Variants in GAS7 observed in about 807,000 individuals in gnomAD.
GAS7 encodes the protein growth arrest specific 7.
Under a neutral mutation model 71.1 loss-of-function variants are expected in GAS7, and 28 were observed. The ratio of observed to expected loss-of-function variants is 0.39; its 90% CI spans 0.29 to 0.54. GAS7 has a LOEUF of 0.54. Among genes scored for constraint, GAS7 ranks in the 20% least tolerant of loss-of-function variants. GAS7 has a pLI of 0.62. For missense variants in GAS7, 436 were observed against 627.8 expected (o/e 0.69, Z 3.27); for synonymous variants, 258 against 245.8 (o/e 1.05, Z -0.46).
intron 1 of GAS7, among the ~76,000 whole-genome samples, chr17:10,109,591 G>C (rs535413149): frequency 7.6e-4 from 116 of 152,260 alleles, no homozygotes; most frequent in African/African-American, 2.5e-3. Flanking sequence ...TCCCACTGCT[G>C]GGTATTTATC....
chr17:10,132,506 C>T (rs1280987567), intron 1 of GAS7, among the ~76,000 whole-genome samples: 1 of 152,174 alleles, frequency 6.6e-6, no homozygotes, highest in Non-Finnish European at 1.5e-5. Context: ...TGGCTCATGC[C>T]CATAATCCCA....
chr17:10,132,028 C>T (rs2074001264), intron 1 of GAS7, among the ~76,000 whole-genome samples: 1 of 151,472 alleles, frequency 6.6e-6, no homozygotes, highest in African/African-American at 2.4e-5. Context: ...TACTCATGAA[C>T]ATATGAATAC....
intron 2 of GAS7, among the ~76,000 whole-genome samples, chr17:10,011,538 A>G (rs1435136103): frequency 6.6e-6 from 1 of 152,232 alleles, no homozygotes; most frequent in South Asian, 2.1e-4. Flanking sequence ...GTCAAACACC[A>G]GCCAGCATCA....
At chr17:10,011,805 C>T (rs2071783303) in intron 2 of GAS7, among the ~76,000 whole-genome samples, 1 of 151,968 alleles carries the variant, frequency 6.6e-6, no homozygotes, top group Non-Finnish European at 1.5e-5. Context: ...GGAGAAACCC[C>T]GTCTCTACTA....
Position 10,067,157 on chromosome 17 carries a change from C to T in GAS7, c.184-47260G>A, listed in dbSNP as rs8072698. Among the ~76,000 whole-genome samples the T allele has an allele frequency of 3.3e-5, 5 of 151,838 alleles. No individual in the cohort carries two copies. In the East Asian group the frequency reaches 7.8e-4, roughly 24 times the overall value. Reference sequence around the variant, plus strand: ...GAAATATGGGGGAGGGATGGGGTGGCGGGAGTGGAGTTTCCAGCCCACCAC... The same window carrying T: ...GAAATATGGGGGAGGGATGGGGTGGTGGGAGTGGAGTTTCCAGCCCACCAC... On this transcript the variant is annotated intron_variant, in intron 1 of 13. Coordinates refer to ENST00000432992, the MANE Select transcript of GAS7 (RefSeq NM_201433.2).
At chr17:9,927,967 TCA>T (rs2068070951) in intron 9 of GAS7, among the ~76,000 whole-genome samples, 1 of 152,176 alleles carries the variant, frequency 6.6e-6, no homozygotes, top group Non-Finnish European at 1.5e-5. Flanking sequence ...GTTTATGCTG[TCA>T]GAAGAGCTGG....
Position 9,926,817 on chromosome 17 carries a change from T to C in GAS7, c.886-48A>G. Reference sequence around the variant, plus strand: ...CACTCAGGACCCAGGGCATCAGCTGTAAGCCAGTGCAGGGAGGAGGGATGG... The same window carrying C: ...CACTCAGGACCCAGGGCATCAGCTGCAAGCCAGTGCAGGGAGGAGGGATGG... On this transcript the variant is annotated intron_variant, in intron 9 of 13. Coordinates refer to ENST00000432992, the MANE Select transcript of GAS7 (RefSeq NM_201433.2). The surrounding 1 kb of genome is among the most constrained non-coding windows in gnomAD (Gnocchi z 5.0). 6.2e-7 allele frequency: 1 copy of C among 1,609,050 alleles called. No individual in the cohort carries two copies. Among genetic ancestry groups the C allele is most frequent in the South Asian group, 1.1e-5 (1 of 90,990 alleles).
chr17:9,954,600 T>C lies in GAS7; in HGVS notation c.525+4602A>G, dbSNP rs2069153477. Among the ~76,000 whole-genome samples the C allele has an allele frequency of 2.0e-5, 3 of 152,110 alleles. No homozygotes were observed. The South Asian group carries it at 6.2e-4, about 31-fold the overall frequency. On this transcript the variant is annotated intron_variant, in intron 5 of 13. Coordinates refer to ENST00000432992, the MANE Select transcript of GAS7 (RefSeq NM_201433.2). ...CATGAAGTCAATTCAGTGATGCCCA[T>C]CCAGGGACAATTTTTCCCCCACCCC...
At chr17:10,037,560 G>A (rs1258176325) in intron 1 of GAS7, among the ~76,000 whole-genome samples, 1 of 152,074 alleles carries the variant, frequency 6.6e-6, no homozygotes, top group Admixed American at 6.6e-5. Flanking sequence ...TCCTTGGGTC[G>A]GGGGAAGAAA....
chr17:9,934,506 G>A (rs932201420), intron 8 of GAS7, among the ~76,000 whole-genome samples: 4 of 152,006 alleles, frequency 2.6e-5, no homozygotes, highest in African/African-American at 7.3e-5. Flanking sequence ...GGTGGGGGGG[G>A]TGGGGATTCC....
At chr17:10,196,298 T>C (rs1452710143) in intron 1 of GAS7, among the ~76,000 whole-genome samples, 2 of 152,206 alleles carry the variant, frequency 1.3e-5, no homozygotes, top group African/African-American at 4.8e-5. Flanking sequence ...GCCTCTCTCA[T>C]ATTCAGCTTG....
At chr17:10,083,517 T>G (rs1459444919) in intron 1 of GAS7, among the ~76,000 whole-genome samples, 2 of 152,084 alleles carry the variant, frequency 1.3e-5, no homozygotes, top group East Asian at 3.9e-4. Context: ...CCGCAGGAGG[T>G]GCCCTGCCCA....
intron 2 of GAS7, among the ~76,000 whole-genome samples, chr17:10,014,349 C>T (rs746053164): frequency 2.0e-5 from 3 of 152,180 alleles, no homozygotes; most frequent in African/African-American, 4.8e-5. Flanking sequence ...TCGGCCTCCA[C>T]GCTTACCGGC....
intron 1 of GAS7, among the ~76,000 whole-genome samples, chr17:10,142,260 C>T (rs2074088929): frequency 6.6e-6 from 1 of 151,014 alleles, no homozygotes; most frequent in Non-Finnish European, 1.5e-5. Context: ...ACAAAGATAA[C>T]TACCAGAACT....
chr17:9,912,545 G>A lies in GAS7; in HGVS notation c.*4683C>T. ...GACACTGAAGCCTGGGTCCCAGAAG[G>A]GAGCAGATCTGCTGGCTGAGATGCA... On this transcript the variant is annotated 3_prime_UTR_variant, in exon 14 of 14. Transcript: ENST00000432992. 1 of 233,062 alleles carries A rather than the reference G, an allele frequency of 4.3e-6. No homozygotes were observed. Among genetic ancestry groups the A allele is most frequent in the Non-Finnish European group, 8.5e-6 (1 of 117,926 alleles). The allele number at this position is 233,062 out of a possible 1,614,324, so 14.4% of individuals were successfully genotyped here.
At chr17:10,030,823 G>A (rs2072599853) in intron 1 of GAS7, among the ~76,000 whole-genome samples, 4 of 152,190 alleles carry the variant, frequency 2.6e-5, no homozygotes, top group South Asian at 4.1e-4. Flanking sequence ...TCAGCACCTC[G>A]CTGGCTTGAA....
At chr17:10,138,462 A>T (rs560282772) in intron 1 of GAS7, among the ~76,000 whole-genome samples, 2 of 152,276 alleles carry the variant, frequency 1.3e-5, no homozygotes, top group South Asian at 4.1e-4. Context: ...GTCAAATTTG[A>T]AATTAAAAAA....
intron 1 of GAS7, among the ~76,000 whole-genome samples, chr17:10,194,744 C>T (rs1027719864): frequency 5.3e-5 from 8 of 149,762 alleles, no homozygotes; most frequent in South Asian, 4.3e-4. Context: ...GAGGCCGAGG[C>T]GGGTGGATCA....
Position 9,919,217 on chromosome 17 carries a change from T to C in GAS7, c.1218+409A>G, listed in dbSNP as rs1418648433. On this transcript the variant is annotated intron_variant, in intron 12 of 13. Coordinates refer to ENST00000432992, the MANE Select transcript of GAS7 (RefSeq NM_201433.2). The surrounding 1 kb of genome is among the most constrained non-coding windows in gnomAD (Gnocchi z 5.0). Reference sequence around the variant, plus strand: ...CACTGCCTAGCTCCATCCTCACCCATCCATCCACTTTGCAAGGATCTCCTA... The same window carrying C: ...CACTGCCTAGCTCCATCCTCACCCACCCATCCACTTTGCAAGGATCTCCTA... Among the ~76,000 whole-genome samples the C allele has an allele frequency of 6.6e-6, 1 of 152,072 alleles. No homozygotes were observed. The highest frequency in any genetic ancestry group is 1.5e-5 in the Non-Finnish European group (1 of 68,002).
Sources: allele counts gnomAD v4.1 joint callset (sites outside exome capture counted in the v4.1 genomes callset), GRCh38; gene constraint gnomAD v4.1.1; non-coding constraint Gnocchi (gnomAD v3.1); transcripts MANE v1.5; gene names NCBI Gene and HGNC (gene_info 2026-07-23, HGNC 2026-07-21).